The following MAF variants were observed in gnomAD, a reference collection of about 807,000 sequenced individuals.
MAF encodes transcription factor Maf.
A neutral mutation model predicts 22.0 loss-of-function variants in MAF; 10 were observed. The observed-to-expected ratio is 0.45, with a 90% CI of 0.28 to 0.77. MAF has a LOEUF of 0.77. Among genes scored for constraint, MAF ranks in the 30% least tolerant of loss-of-function variants. The pLI is 0.12. For missense variants in MAF, 544 were observed against 548.4 expected, an observed-to-expected ratio of 0.99 and a Z score of 0.08; for synonymous variants, 337 against 255.8, an observed-to-expected ratio of 1.32 and a Z score of -3.03.
the MAF span, among the ~76,000 whole-genome samples, chr16:79,398,776 C>G: frequency 2.6e-5 from 4 of 152,144 alleles, no homozygotes; most frequent in African/African-American, 4.8e-5. Context: ...GTCTGGCATT[C>G]TCTTACTCAT....
chr16:79,422,258 G>A, the MAF span, among the ~76,000 whole-genome samples: 1 of 152,168 alleles, frequency 6.6e-6, no homozygotes, highest in African/African-American at 2.4e-5. Flanking sequence ...TCATGGTTGC[G>A]AAGAATTAGG....
chr16:79,363,005 C>G, the MAF span, among the ~76,000 whole-genome samples: 1 of 152,154 alleles, frequency 6.6e-6, no homozygotes, highest in Non-Finnish European at 1.5e-5. Context: ...TATATTTCAA[C>G]TGCAAAGTCA....
the MAF span, among the ~76,000 whole-genome samples, chr16:79,366,072 G>T: frequency 6.6e-6 from 1 of 152,068 alleles, no homozygotes; most frequent in Non-Finnish European, 1.5e-5. Flanking sequence ...AGTTTCTGTT[G>T]TATTTTTTAT....
the MAF span, among the ~76,000 whole-genome samples, chr16:79,384,913 C>A: frequency 6.6e-6 from 1 of 152,108 alleles, no homozygotes; most frequent in Non-Finnish European, 1.5e-5. Context: ...GCAAGTTGCA[C>A]CTTATGCACC....
chr16:79,323,547 A>G, the MAF span, among the ~76,000 whole-genome samples: 1 of 152,184 alleles, frequency 6.6e-6, no homozygotes. Flanking sequence ...AGATGAAAGG[A>G]GAGAGACAAA....
the MAF span, among the ~76,000 whole-genome samples, chr16:79,367,539 C>G: frequency 6.6e-6 from 1 of 152,168 alleles, no homozygotes; most frequent in Non-Finnish European, 1.5e-5. Context: ...TTGGAGGATA[C>G]TACATACTAA....
chr16:79,489,741 T>A, the MAF span, among the ~76,000 whole-genome samples: 1 of 152,144 alleles, frequency 6.6e-6, no homozygotes, highest in Non-Finnish European at 1.5e-5. Context: ...AGCTTCAGGG[T>A]ACGGAAAGTG....
At chr16:79,401,827 T>G in the MAF span, among the ~76,000 whole-genome samples, 1 of 152,098 alleles carries the variant, frequency 6.6e-6, no homozygotes, top group Non-Finnish European at 1.5e-5. Flanking sequence ...AGATGAAATG[T>G]GTATCCCCAA....
At chr16:79,280,322 T>A in the MAF span, among the ~76,000 whole-genome samples, 2 of 152,210 alleles carry the variant, frequency 1.3e-5, no homozygotes, top group African/African-American at 2.4e-5. Context: ...GGGGACTGGA[T>A]CAAGAGTCCA....
chr16:79,459,619 A>G, the MAF span, among the ~76,000 whole-genome samples: 1 of 151,484 alleles, frequency 6.6e-6, no homozygotes, highest in Non-Finnish European at 1.5e-5. Context: ...AACAACCGAG[A>G]TAGAAGGCAG....
At chr16:79,209,234 G>C in the MAF span, among the ~76,000 whole-genome samples, 2 of 152,188 alleles carry the variant, frequency 1.3e-5, no homozygotes, top group African/African-American at 4.8e-5. Flanking sequence ...TAGATTCCGT[G>C]GAAGGAAAAG....
At chr16:79,537,898 T>C in the MAF span, among the ~76,000 whole-genome samples, 2 of 152,228 alleles carry the variant, frequency 1.3e-5, no homozygotes, top group African/African-American at 4.8e-5. Flanking sequence ...TAGGTTCTCA[T>C]GGTATGCATG....
chr16:79,418,023 A>G, the MAF span, among the ~76,000 whole-genome samples: 1 of 152,152 alleles, frequency 6.6e-6, no homozygotes, highest in Non-Finnish European at 1.5e-5. Context: ...GAGGCAACAG[A>G]TAATCAAATT....
the MAF span, among the ~76,000 whole-genome samples, chr16:79,461,964 T>C: frequency 6.6e-6 from 1 of 152,178 alleles, no homozygotes; most frequent in African/African-American, 2.4e-5. Flanking sequence ...CCCAGTGTAT[T>C]GCTCCAGTTT....
the MAF span, among the ~76,000 whole-genome samples, chr16:79,524,858 G>T: frequency 6.6e-5 from 10 of 152,204 alleles, no homozygotes; most frequent in African/African-American, 2.4e-4. Context: ...GTTCAACTGT[G>T]TCAGGACAAC....
At chr16:79,307,182 T>C in the MAF span, among the ~76,000 whole-genome samples, 1 of 152,178 alleles carries the variant, frequency 6.6e-6, no homozygotes, top group African/African-American at 2.4e-5. Flanking sequence ...AGGTTTGAGA[T>C]GAATCTGGTG....
the MAF span, among the ~76,000 whole-genome samples, chr16:79,215,906 G>A: frequency 1.2e-4 from 18 of 152,214 alleles, no homozygotes; most frequent in East Asian, 1.4e-3. Flanking sequence ...TAACAGTAGC[G>A]ATTGCCCCCT....
chr16:79,585,156 C>G (rs1411025950), downstream of MAF, among the ~76,000 whole-genome samples: 2 of 152,188 alleles, frequency 1.3e-5, no homozygotes, highest in Non-Finnish European at 2.9e-5. Context: ...GAATGTTGGT[C>G]TAGTTTTCCA....
At chr16:79,573,966 C>A in the MAF span, among the ~76,000 whole-genome samples, 1 of 152,158 alleles carries the variant, frequency 6.6e-6, no homozygotes, top group African/African-American at 2.4e-5. Context: ...TGTTTGTGTA[C>A]CTAATTGCTT....
Sources: gnomAD v4.1 joint callset for allele counts (sites outside exome capture counted in the v4.1 genomes callset) on GRCh38, gnomAD v4.1.1 for gene constraint, MANE v1.5 for transcripts, NCBI Gene and HGNC (gene_info 2026-07-23, HGNC 2026-07-21) for gene names.